SCAP: variants seen among roughly 807,000 people sequenced by gnomAD.
SCAP encodes SREBF chaperone.
In SCAP, 65 loss-of-function variants were observed where a neutral mutation model predicts 123.6. The observed-to-expected ratio is 0.53, with a 90% confidence interval of 0.43 to 0.65. The LOEUF is 0.65. Ranked by LOEUF, SCAP falls within the 30% of genes least tolerant of loss-of-function variation. SCAP has a pLI of 0.00. For missense variants in SCAP, 1,398 were observed against 1,712.5 expected (o/e 0.82, Z 3.24); for synonymous variants, 740 against 726.3 (o/e 1.02, Z -0.30).
At chr3:47,421,097 A>T in intron 10 of SCAP, 68 bp from the exon 11 acceptor site, 1 of 1,252,952 alleles carries the variant, frequency 8.0e-7, no homozygotes, top group Non-Finnish European at 1.2e-6. Context: ...GAGGAGCAGT[A>T]CCCGGACTGC....
chr3:47,436,284 G>A (rs1203861757), intron 2 of SCAP, among the ~76,000 whole-genome samples: 2 of 152,138 alleles, frequency 1.3e-5, no homozygotes, highest in Admixed American at 1.3e-4. Flanking sequence ...CATGAGGAAA[G>A]TTAAGTTAAT....
intron 9 of SCAP, 122 bp downstream of exon 9, chr3:47,423,811 C>T (rs187753748): frequency 1.2e-5 from 9 of 721,034 alleles, no homozygotes; most frequent in East Asian, 5.4e-5. Flanking sequence ...CATATTATGC[C>T]GGAGGCAAGA....
chr3:47,438,085 T>C (rs1706655604), intron 2 of SCAP, among the ~76,000 whole-genome samples: 1 of 152,252 alleles, frequency 6.6e-6, no homozygotes. Flanking sequence ...AGCATGGTTT[T>C]AATGTACATT....
chr3:47,443,187 G>A, intron 1 of SCAP, 96 bp from the exon 2 acceptor site: 1 of 875,774 alleles, frequency 1.1e-6, no homozygotes, highest in Non-Finnish European at 1.7e-6. Context: ...CTGGGGAATG[G>A]TTTCAGAATG....
At chr3:47,418,083 G>A (rs1705709333) in intron 16 of SCAP, 51 bp downstream of exon 16, 1 of 1,378,274 alleles carries the variant, frequency 7.3e-7, no homozygotes, top group Admixed American at 2.0e-5. Flanking sequence ...GCGGGGGGTG[G>A]GGTGAGGGGG....
intron 3 of SCAP, chr3:47,429,008 G>C (rs1426072613): frequency 4.3e-6 from 1 of 230,900 alleles, no homozygotes; most frequent in African/African-American, 2.3e-5. Context: ...TTTGCACATG[G>C]GACCTGTGAG....
chr3:47,453,261 G>A (rs1161737914), intron 1 of SCAP, among the ~76,000 whole-genome samples: 1 of 152,010 alleles, frequency 6.6e-6, no homozygotes, highest in Non-Finnish European at 1.5e-5. Context: ...ACCTGCTTAT[G>A]GCCAGGCACA....
chr3:47,466,438 C>T (rs1223243207), intron 1 of SCAP, among the ~76,000 whole-genome samples: 3 of 152,022 alleles, frequency 2.0e-5, no homozygotes, highest in African/African-American at 7.2e-5. Context: ...GTCAGCACTA[C>T]CCATCTAACC....
intron 1 of SCAP, among the ~76,000 whole-genome samples, chr3:47,469,459 C>G (rs1156277091): frequency 1.3e-5 from 2 of 152,160 alleles, no homozygotes; most frequent in East Asian, 3.9e-4. Context: ...CCTCTGGGTC[C>G]AAACAATTCT....
chr3:47,459,575 C>T (rs112758946), intron 1 of SCAP, among the ~76,000 whole-genome samples: 8 of 152,086 alleles, frequency 5.3e-5, no homozygotes, highest in Non-Finnish European at 8.8e-5. Context: ...GATACCCACC[C>T]GAGCTGCAAA....
At chr3:47,447,398 A>G (rs1182488123) in intron 1 of SCAP, among the ~76,000 whole-genome samples, 1 of 152,042 alleles carries the variant, frequency 6.6e-6, no homozygotes, top group Non-Finnish European at 1.5e-5. Context: ...GTCTCAAAAA[A>G]GGAGAAAAAG....
Position 47,439,097 on chromosome 3 carries a change from A to G in SCAP, c.122+3775T>C, listed in dbSNP as rs528110163. Among the ~76,000 whole-genome samples the G allele has an allele frequency of 1.6e-4, 25 of 152,184 alleles. No individual in the cohort carries two copies. Among genetic ancestry groups the G allele is most frequent in the Non-Finnish European group, 2.4e-4 (16 of 68,034 alleles). On this transcript the variant is annotated intron_variant, in intron 2 of 22. Coordinates refer to ENST00000265565, the MANE Select transcript of SCAP (RefSeq NM_012235.4). This position sits in a 1 kb window ranked among gnomAD's most constrained non-coding sequence, Gnocchi z 4.0. ...GTCCTGATAACGCTGTCGTAAATTG[A>G]AAATATCCTAAGTCAAAAATGCATG...
chr3:47,428,797 T>C (rs1325473330), intron 3 of SCAP, 127 bp from the exon 4 acceptor site: 2 of 1,020,136 alleles, frequency 2.0e-6, no homozygotes. Flanking sequence ...CAATGACTAA[T>C]ACAAGTTCTT....
At position 47,413,905 on chromosome 3, in the gene SCAP, G is replaced by A. The variant is rs987960797; in HGVS notation, c.3789C>T (p.Gly1263=). Residue 1263 remains glycine (G), a synonymous_variant, in exon 23 of 23, where the codon GGC becomes GGT. Transcript: ENST00000265565. ...LDNAAIVCNF[G]SELSLVYVPS... is the part of the protein sequence containing the mutation. ...GCACATACACCAGGCTGAGCTCACT[G>A]CCAAAGTTGCAGACAATGGCAGCGT... The A allele has an allele frequency of 6.2e-7, 1 of 1,613,116 alleles. No homozygotes were observed. Among genetic ancestry groups the A allele is most frequent in the Non-Finnish European group, 8.5e-7 (1 of 1,180,042 alleles).
At chr3:47,443,267 CACACACACA>C (rs1225532523) in intron 1 of SCAP, 176 bp from the exon 2 acceptor site, 10 of 204,084 alleles carry the variant, frequency 4.9e-5, no homozygotes, top group African/African-American at 1.1e-4. Flanking sequence ...CACACACACA[CACACACACA>C]CTCTCTCTCT....
At position 47,426,087 on chromosome 3, in the gene SCAP, C is replaced by A. The variant is rs745402503; in HGVS notation, c.820G>T (p.Val274Leu). The stretch of plus-strand genomic sequence containing the variant: ...ACACCAATCTCCTCCTTGAAGTGCA[C>A]GTGGACCAGGCTCTCCGCCCGAAGG... ...CSLRAESLVH[V>L]HFKEEIGVAE... Residue 274 changes from valine (V) to leucine (L), a missense_variant, in exon 7 of 23, where the codon GTG (valine) becomes TTG (leucine). Transcript: ENST00000265565. The A allele has an allele frequency of 6.2e-7, 1 of 1,613,926 alleles. No homozygotes were observed. Among genetic ancestry groups the A allele is most frequent in the African/African-American group, 1.3e-5 (1 of 74,932 alleles).
chr3:47,415,272 A>G (rs1705522979), intron 18 of SCAP, 92 bp from the exon 19 acceptor site: 2 of 1,192,902 alleles, frequency 1.7e-6, no homozygotes, highest in East Asian at 2.5e-5. Flanking sequence ...GGCCAGTTCA[A>G]GAAGGCACAG....
At chr3:47,426,280 A>C in intron 6 of SCAP, 111 bp from the exon 7 acceptor site, 2 of 1,092,708 alleles carry the variant, frequency 1.8e-6, no homozygotes, top group Non-Finnish European at 2.6e-6. Flanking sequence ...CCCTGTGTTG[A>C]AAGGGAACTT....
intron 1 of SCAP, among the ~76,000 whole-genome samples, chr3:47,443,695 T>C (rs1471497467): frequency 6.6e-6 from 1 of 152,190 alleles, no homozygotes; most frequent in Non-Finnish European, 1.5e-5. Flanking sequence ...CTTGGTCCTA[T>C]AGTTGTTCCT....
Sources: gnomAD v4.1 joint callset for allele counts (sites outside exome capture counted in the v4.1 genomes callset) on GRCh38, gnomAD v4.1.1 for gene constraint, Gnocchi (gnomAD v3.1) non-coding constraint, MANE v1.5 for transcripts, NCBI Gene and HGNC (gene_info 2026-07-23, HGNC 2026-07-21) for gene names.